Variants in BSN observed in about 807,000 individuals in gnomAD.
The protein encoded by BSN is protein bassoon.
BSN carries 57 observed loss-of-function variants against 264.8 expected under a neutral mutation model. That is an observed-to-expected ratio of 0.22 (90% confidence interval 0.17 to 0.27). The LOEUF (loss-of-function observed/expected upper bound fraction) is 0.27, where lower values mean the gene tolerates loss of function less well. Ranked by LOEUF, BSN falls within the 10% of genes least tolerant of loss-of-function variation. BSN has a pLI of 1.00. For synonymous variants in BSN, 2,059 were observed against 2,137.3 expected (o/e 0.96, Z 1.01); for missense variants, 4,615 against 5,232.5 (o/e 0.88, Z 3.64).
chr3:49,605,879 TAG>T (rs1374187217), intron 1 of BSN, among the ~76,000 whole-genome samples: 2 of 84,022 alleles, frequency 2.4e-5, no homozygotes, highest in African/African-American at 4.8e-5. Flanking sequence ...TATTTATATA[TAG>T]ATATAAATAT....
chr3:49,563,756 C>A (rs1268995287), intron 1 of BSN, among the ~76,000 whole-genome samples: 2 of 152,212 alleles, frequency 1.3e-5, no homozygotes, highest in South Asian at 2.1e-4. Context: ...CAACAAATGC[C>A]AGAATGTCTG....
In BSN at chr3:49,663,474, A is replaced by G; in HGVS notation, c.11316A>G (p.Ala3772=). ...PSSRQIPSGA[A]SRQPQTQQQQ... Reference sequence around the variant, plus strand: ...CCAGGCAAATACCCTCTGGGGCAGCATCACGCCAGCCACAGACACAGCAGC... The same window carrying G: ...CCAGGCAAATACCCTCTGGGGCAGCGTCACGCCAGCCACAGACACAGCAGC... The change falls in exon 7 of 12, where the codon GCA becomes GCG. Residue 3772 remains alanine (A), a synonymous_variant. Transcript: ENST00000296452. 4 of 1,612,790 alleles carry G rather than the reference A, an allele frequency of 2.5e-6. No homozygotes were observed. The highest frequency in any genetic ancestry group is 2.5e-6 in the Non-Finnish European group (3 of 1,179,950).
At chr3:49,618,016 C>T (rs1345356319) in intron 1 of BSN, among the ~76,000 whole-genome samples, 1 of 152,122 alleles carries the variant, frequency 6.6e-6, no homozygotes, top group Non-Finnish European at 1.5e-5. Flanking sequence ...CCTGTGGGGT[C>T]ATTCTCTTTT....
intron 1 of BSN, among the ~76,000 whole-genome samples, chr3:49,560,623 C>T (rs1276069659): frequency 6.6e-6 from 1 of 152,212 alleles, no homozygotes; most frequent in African/African-American, 2.4e-5. Context: ...GACTCCTGCT[C>T]AGTCCTTTCA....
At chr3:49,606,423 G>T (rs1368454820) in intron 1 of BSN, among the ~76,000 whole-genome samples, 1 of 143,094 alleles carries the variant, frequency 7.0e-6, no homozygotes, top group Non-Finnish European at 1.5e-5. Flanking sequence ...CATTCATATT[G>T]TTCTTCTAAG....
At chr3:49,599,346 A>AT (rs2052052865) in intron 1 of BSN, among the ~76,000 whole-genome samples, 1 of 152,010 alleles carries the variant, frequency 6.6e-6, no homozygotes, top group Admixed American at 6.6e-5. Flanking sequence ...TCTTGGATAT[A>AT]TTTTTCCCTG....
intron 1 of BSN, among the ~76,000 whole-genome samples, chr3:49,591,253 A>C (rs1559599623): frequency 6.6e-6 from 1 of 152,186 alleles, no homozygotes; most frequent in African/African-American, 2.4e-5. Flanking sequence ...TTTTTGTCAA[A>C]CATATTACAC....
chr3:49,561,548 TTTAA>T (rs750164739), intron 1 of BSN, among the ~76,000 whole-genome samples: 37 of 152,330 alleles, frequency 2.4e-4, no homozygotes, highest in Non-Finnish European at 3.5e-4. Context: ...AAAAAATTTT[TTTAA>T]TTAATTATTT....
chr3:49,563,909 T>C (rs921339768), intron 1 of BSN, among the ~76,000 whole-genome samples: 1 of 152,206 alleles, frequency 6.6e-6, no homozygotes, highest in Non-Finnish European at 1.5e-5. Flanking sequence ...TTACACCTCC[T>C]ATCTGCTGGT....
chr3:49,578,739 A>G (rs1404383115), intron 1 of BSN, among the ~76,000 whole-genome samples: 1 of 151,946 alleles, frequency 6.6e-6, no homozygotes, highest in African/African-American at 2.4e-5. Context: ...TTCATCACCC[A>G]CAAGAAGAAA....
At chr3:49,626,023 A>C (rs1018466734) in intron 2 of BSN, among the ~76,000 whole-genome samples, 2 of 152,136 alleles carry the variant, frequency 1.3e-5, no homozygotes, top group Non-Finnish European at 2.9e-5. Flanking sequence ...AGTGTCCTAC[A>C]CTCACCAAGA....
chr3:49,628,280 G>A (rs1350747546), intron 2 of BSN, among the ~76,000 whole-genome samples: 1 of 152,146 alleles, frequency 6.6e-6, no homozygotes. Flanking sequence ...CCGAATGGCT[G>A]CATGAGGACA....
chr3:49,578,658 G>A (rs2051867116), intron 1 of BSN, among the ~76,000 whole-genome samples: 1 of 151,792 alleles, frequency 6.6e-6, no homozygotes, highest in Admixed American at 6.6e-5. Flanking sequence ...CACCCGTGTC[G>A]GCCTCCTAAA....
At chr3:49,559,092 A>G (rs1160887079) in intron 1 of BSN, among the ~76,000 whole-genome samples, 2 of 151,756 alleles carry the variant, frequency 1.3e-5, no homozygotes, top group South Asian at 2.1e-4. Context: ...AGACCCAGCT[A>G]ATTTTTGTAT....
rs903245523 is a variant in BSN, at chr3:49,658,050, A to G, written c.8494A>G (p.Ser2832Gly). 1.9e-6 allele frequency: 3 copies of G among 1,613,354 alleles called. No individual in the cohort carries two copies. The African/African-American group carries it at 4.0e-5, about 22-fold the overall frequency. ...TCCCCAGAAGCACTTCACGGCTGAC[A>G]GCGCTCTCCGCCAGCAGACGCTGCC... ...VSPQKHFTAD[S>G]ALRQQTLPRP... Residue 2832 changes from serine to glycine, a missense_variant, in exon 5 of 12, where the codon AGC becomes GGC. Ser to Gly is a moderately conservative substitution (Grantham distance 56). This residue lies in a region of BSN where 3,415 missense variants were observed against 3,866.4 expected (regional missense o/e 0.88). Transcript: ENST00000296452.
intron 1 of BSN, among the ~76,000 whole-genome samples, chr3:49,610,584 CAAAA>C (rs60726552): frequency 1.4e-4 from 10 of 71,190 alleles, no homozygotes; most frequent in Admixed American, 2.1e-4. Context: ...AATTTCATCT[CAAAA>C]AAAAAAAAAA....
At chr3:49,599,713 T>C (rs907588010) in intron 1 of BSN, among the ~76,000 whole-genome samples, 10 of 152,214 alleles carry the variant, frequency 6.6e-5, no homozygotes, top group Admixed American at 3.9e-4. Flanking sequence ...AGTTGTTTTA[T>C]TGGAGAAAGT....
intron 1 of BSN, among the ~76,000 whole-genome samples, chr3:49,603,147 C>T (rs923414757): frequency 6.6e-6 from 1 of 150,952 alleles, no homozygotes; most frequent in African/African-American, 2.5e-5. Context: ...CACTGCTGGC[C>T]CCTCAAGGAC....
intron 1 of BSN, among the ~76,000 whole-genome samples, chr3:49,575,426 A>ATATATATGTAAATATATATATGTG: frequency 6.8e-6 from 1 of 147,294 alleles, no homozygotes; most frequent in African/African-American, 2.5e-5. Flanking sequence ...ATATATGTGT[A>ATATATATGTAAATATATATATGTG]TATATATGTA....
Sources: gnomAD v4.1 joint callset for allele counts (sites outside exome capture counted in the v4.1 genomes callset) on GRCh38, gnomAD v4.1.1 for gene constraint, gnomAD v4.1.1 regional missense constraint, MANE v1.5 for transcripts, NCBI Gene and HGNC (gene_info 2026-07-23, HGNC 2026-07-21) for gene names.